The following GALNT17 variants were observed in gnomAD, a reference collection of about 807,000 sequenced individuals.
The protein encoded by GALNT17 is polypeptide N-acetylgalactosaminyltransferase 17, also known as UDP-GalNAc:polypeptide N-acetylgalactosaminyltransferase-like 3.
A neutral mutation model predicts 63.7 loss-of-function variants in GALNT17; 29 were observed. The ratio of observed to expected loss-of-function variants is 0.46; its 90% CI spans 0.34 to 0.62. The LOEUF (loss-of-function observed/expected upper bound fraction) is 0.62. GALNT17 is among the 20% of genes least tolerant of loss of function. The pLI is 0.01. For synonymous variants in GALNT17, 305 were observed against 318.3 expected (o/e 0.96, Z 0.45); for missense variants, 603 against 799.6 (o/e 0.75, Z 2.97).
chr7:71,496,113 T>G (rs1049198733), intron 5 of GALNT17, among the ~76,000 whole-genome samples: 1 of 152,160 alleles, frequency 6.6e-6, no homozygotes, highest in Non-Finnish European at 1.5e-5. Context: ...TGGTCGAGAC[T>G]TAGAGAGACA....
chr7:71,264,247 A>G (rs1790447200), intron 1 of GALNT17, among the ~76,000 whole-genome samples: 1 of 151,990 alleles, frequency 6.6e-6, no homozygotes, highest in Non-Finnish European at 1.5e-5. Context: ...TGCTTTCTTT[A>G]TCATAGGCCC....
chr7:71,453,245 G>A (rs1005347370), intron 5 of GALNT17, among the ~76,000 whole-genome samples: 1 of 152,090 alleles, frequency 6.6e-6, no homozygotes, highest in Non-Finnish European at 1.5e-5. Context: ...GGTATCTTTT[G>A]TCTAGCATTA....
At chr7:71,616,987 TAATATATA>T in intron 6 of GALNT17, among the ~76,000 whole-genome samples, 1 of 146,458 alleles carries the variant, frequency 6.8e-6, no homozygotes, top group African/African-American at 2.5e-5. Flanking sequence ...AGTTCTATAT[TAATATATA>T]AATATATTAA....
At chr7:71,350,422 G>C (rs896687156) in intron 2 of GALNT17, among the ~76,000 whole-genome samples, 2 of 151,898 alleles carry the variant, frequency 1.3e-5, no homozygotes, top group Admixed American at 1.3e-4. Context: ...AAATGAACAG[G>C]TGCTAACATA....
At chr7:71,656,607 G>A (rs1790831880) in intron 6 of GALNT17, among the ~76,000 whole-genome samples, 1 of 152,152 alleles carries the variant, frequency 6.6e-6, no homozygotes, top group Non-Finnish European at 1.5e-5. Flanking sequence ...TTCGGAAGTG[G>A]TGGCTGTGGT....
At chr7:71,280,961 G>A (rs1790768501) in intron 1 of GALNT17, among the ~76,000 whole-genome samples, 1 of 152,098 alleles carries the variant, frequency 6.6e-6, no homozygotes, top group South Asian at 2.1e-4. Flanking sequence ...GAGGAGAATG[G>A]GATGCTGGAC....
At chr7:71,392,015 C>G (rs998139748) in intron 3 of GALNT17, among the ~76,000 whole-genome samples, 1 of 152,014 alleles carries the variant, frequency 6.6e-6, no homozygotes, top group Non-Finnish European at 1.5e-5. Flanking sequence ...AAGGAGGCAT[C>G]GAGCCACAAA....
At chr7:71,621,068 C>A (rs1246102044) in intron 6 of GALNT17, among the ~76,000 whole-genome samples, 1 of 152,108 alleles carries the variant, frequency 6.6e-6, no homozygotes, top group Non-Finnish European at 1.5e-5. Flanking sequence ...TAATTATAGG[C>A]TTAAGTCATG....
At chr7:71,701,915 A>ATGTG (rs1337128514) in intron 9 of GALNT17, among the ~76,000 whole-genome samples, 222 of 137,258 alleles carry the variant, frequency 1.6e-3, no homozygotes, top group Non-Finnish European at 2.1e-3. Flanking sequence ...ATATATACAT[A>ATGTG]TATATATGTA....
chr7:71,478,353 C>A (rs1473355288), intron 5 of GALNT17, among the ~76,000 whole-genome samples: 1 of 151,980 alleles, frequency 6.6e-6, no homozygotes, highest in African/African-American at 2.4e-5. Context: ...ACTCTGTTAC[C>A]CGAGCTAGAG....
At chr7:71,557,053 A>AT (rs555277982) in intron 5 of GALNT17, among the ~76,000 whole-genome samples, 3,191 of 136,612 alleles carry the variant, frequency 0.023, 83 homozygotes, top group African/African-American at 0.063. Flanking sequence ...AACCCAGCTA[A>AT]TTTTTTTTTT....
At chr7:71,388,479 A>G in intron 3 of GALNT17, 78 bp downstream of exon 3, 1 of 1,526,622 alleles carries the variant, frequency 6.6e-7, no homozygotes, top group Non-Finnish European at 8.9e-7. Flanking sequence ...CGCGAGCCCG[A>G]GCATCTGTGT....
intron 3 of GALNT17, among the ~76,000 whole-genome samples, chr7:71,389,672 T>C (rs1000246743): frequency 1.3e-5 from 2 of 152,102 alleles, no homozygotes; most frequent in African/African-American, 2.4e-5. Context: ...AGTGAAGAGC[T>C]GAATTCCTCC....
chr7:71,295,010 T>A (rs1242547384), intron 1 of GALNT17, among the ~76,000 whole-genome samples: 1 of 152,218 alleles, frequency 6.6e-6, no homozygotes, highest in Non-Finnish European at 1.5e-5. Context: ...TTTTTCTCTT[T>A]AGTGATGCTT....
intron 1 of GALNT17, among the ~76,000 whole-genome samples, chr7:71,279,633 T>C (rs563140147): frequency 6.6e-6 from 1 of 152,040 alleles, no homozygotes; most frequent in South Asian, 2.1e-4. Context: ...TAGGTGGACA[T>C]GTGCTTTGAA....
chr7:71,261,671 AG>A lies in GALNT17; in HGVS notation c.239-73874del, dbSNP rs1790387996. ...TTGAATCCCTGAGGTAGTGCCTGGC[AG>A]GGGGCTTGCCCTGGTGCCCTTGGCT... On this transcript the variant is annotated intron_variant, in intron 1 of 10. Coordinates refer to ENST00000333538, the MANE Select transcript of GALNT17 (RefSeq NM_022479.3). Among the ~76,000 whole-genome samples, 20 of 152,332 alleles carry A rather than the reference AG, an allele frequency of 1.3e-4. No homozygotes were observed. In the South Asian group the frequency reaches 4.1e-3, roughly 32 times the overall value.
chr7:71,219,323 C>T (rs575046455), intron 1 of GALNT17, among the ~76,000 whole-genome samples: 15 of 152,160 alleles, frequency 9.9e-5, no homozygotes, highest in Non-Finnish European at 1.9e-4. Context: ...CTAGCCTTTA[C>T]CAATATGTGT....
chr7:71,421,221 C>G (rs1050734113), intron 5 of GALNT17, 116 bp downstream of exon 5: 3 of 1,105,392 alleles, frequency 2.7e-6, no homozygotes, highest in Non-Finnish European at 3.8e-6. Context: ...GTGCACACAG[C>G]TCTCCAGGAG....
chr7:71,422,506 T>C (rs1786684044), intron 5 of GALNT17, among the ~76,000 whole-genome samples: 1 of 152,232 alleles, frequency 6.6e-6, no homozygotes, highest in South Asian at 2.1e-4. Flanking sequence ...ATGGGAGTGT[T>C]CCCTTATCCC....
Sources: allele counts gnomAD v4.1 joint callset (sites outside exome capture counted in the v4.1 genomes callset), GRCh38; gene constraint gnomAD v4.1.1; transcripts MANE v1.5; gene names NCBI Gene and HGNC (gene_info 2026-07-23, HGNC 2026-07-21).